The following ANKS1B variants were observed in gnomAD, a reference collection of about 807,000 sequenced individuals.
ANKS1B encodes ankyrin repeat and sterile alpha motif domain containing 1B.
In ANKS1B, 36 loss-of-function variants were observed where a neutral mutation model predicts 148.3. The ratio of observed to expected loss-of-function variants is 0.24; its 90% CI spans 0.19 to 0.32. ANKS1B has a LOEUF of 0.32. Among genes scored for constraint, ANKS1B ranks in the 10% least tolerant of loss-of-function variants. The probability of loss-of-function intolerance (pLI) is 1.00; values close to 1 mark genes in which losing one functional copy is unlikely to be tolerated. For synonymous variants in ANKS1B, 542 were observed against 560.8 expected, an observed-to-expected ratio of 0.97 and a Z score of 0.47; for missense variants, 1,157 against 1,542.6, an observed-to-expected ratio of 0.75 and a Z score of 4.19.
At chr12:99,717,243 G>A (rs185497828) in intron 8 of ANKS1B, among the ~76,000 whole-genome samples, 275 of 151,934 alleles carry the variant, frequency 1.8e-3, no homozygotes, top group Non-Finnish European at 2.6e-3. Context: ...ATTAAATTCC[G>A]GCCCTCAAAC....
chr12:98,872,431 C>T lies in ANKS1B; in HGVS notation c.2779-40295G>A, dbSNP rs547547825. On this transcript the variant is annotated intron_variant, in intron 17 of 26. Transcript: ENST00000683438. ...GCGTGTGCCTGTAATCTCAGCTACTCGGGACGCTAAGGCAGGAGAATCACT... is the reference window on the plus strand; with the variant it reads ...GCGTGTGCCTGTAATCTCAGCTACTTGGGACGCTAAGGCAGGAGAATCACT... Among the ~76,000 whole-genome samples the T allele has an allele frequency of 7.2e-5, 11 of 152,132 alleles. No homozygotes were observed. The South Asian group carries it at 2.1e-3, about 29-fold the overall frequency.
intron 9 of ANKS1B, among the ~76,000 whole-genome samples, chr12:99,552,718 C>A (rs1207046578): frequency 6.6e-6 from 1 of 152,154 alleles, no homozygotes; most frequent in Non-Finnish European, 1.5e-5. Flanking sequence ...GACACCACTG[C>A]CCCAGTCCCA....
At chr12:99,637,503 A>T (rs1157980678) in intron 9 of ANKS1B, among the ~76,000 whole-genome samples, 3 of 152,098 alleles carry the variant, frequency 2.0e-5, no homozygotes, top group Non-Finnish European at 4.4e-5. Context: ...TTAACATTTG[A>T]GTCAGTGAGC....
At chr12:99,155,335 A>G (rs562407322) in intron 14 of ANKS1B, among the ~76,000 whole-genome samples, 8 of 152,182 alleles carry the variant, frequency 5.3e-5, no homozygotes, top group East Asian at 1.9e-4. Context: ...CGAGATATAT[A>G]TTTTTTTCTT....
intron 14 of ANKS1B, among the ~76,000 whole-genome samples, chr12:99,225,135 T>C (rs369679243): frequency 1.5e-4 from 23 of 152,258 alleles, no homozygotes; most frequent in African/African-American, 5.5e-4. Context: ...AAATCATAGG[T>C]AGCATACTCC....
At chr12:99,315,307 A>T (rs1037858626) in intron 12 of ANKS1B, among the ~76,000 whole-genome samples, 5 of 152,068 alleles carry the variant, frequency 3.3e-5, no homozygotes, top group African/African-American at 1.2e-4. Flanking sequence ...AATTTTTTAC[A>T]ATCTACCTAT....
At chr12:99,909,781 T>C (rs1472533165) in intron 1 of ANKS1B, among the ~76,000 whole-genome samples, 1 of 152,172 alleles carries the variant, frequency 6.6e-6, no homozygotes, top group Non-Finnish European at 1.5e-5. Context: ...GCCTCTTCTT[T>C]TCCTTTCTTC....
intron 9 of ANKS1B, among the ~76,000 whole-genome samples, chr12:99,620,080 A>T (rs2098027373): frequency 6.6e-6 from 1 of 152,168 alleles, no homozygotes; most frequent in African/African-American, 2.4e-5. Context: ...TTGTAGGTTG[A>T]ACTGCACAGC....
chr12:99,500,803 T>C (rs1442709156), intron 10 of ANKS1B, among the ~76,000 whole-genome samples: 1 of 152,166 alleles, frequency 6.6e-6, no homozygotes, highest in African/African-American at 2.4e-5. Context: ...TTTTGAAAAA[T>C]TACCTCCTCA....
intron 17 of ANKS1B, among the ~76,000 whole-genome samples, chr12:98,838,989 T>G (rs928583835): frequency 2.6e-5 from 4 of 152,226 alleles, no homozygotes; most frequent in Non-Finnish European, 5.9e-5. Flanking sequence ...TCCTGCAATC[T>G]TAGAAATCCT....
chr12:99,050,771 A>C (rs551820835), intron 17 of ANKS1B, among the ~76,000 whole-genome samples: 2 of 142,240 alleles, frequency 1.4e-5, no homozygotes, highest in African/African-American at 5.2e-5. Flanking sequence ...TGCTCACTGC[A>C]AGCTCTGCCT....
At chr12:99,089,225 T>C (rs542035888) in intron 15 of ANKS1B, among the ~76,000 whole-genome samples, 84 of 152,070 alleles carry the variant, frequency 5.5e-4, no homozygotes, top group African/African-American at 1.8e-3. Flanking sequence ...AGCTCCGTCA[T>C]GTCCATCTTC....
At chr12:98,752,459 A>G (rs1024858638) in intron 25 of ANKS1B, among the ~76,000 whole-genome samples, 27 of 151,866 alleles carry the variant, frequency 1.8e-4, no homozygotes, top group African/African-American at 4.6e-4. Context: ...GGGTTTCACT[A>G]TGTTGGCCAG....
intron 1 of ANKS1B, among the ~76,000 whole-genome samples, chr12:99,870,965 T>C (rs2091438029): frequency 6.6e-6 from 1 of 152,190 alleles, no homozygotes; most frequent in Non-Finnish European, 1.5e-5. Context: ...TTTGTTGCAA[T>C]TGCTTTTGAG....
intron 10 of ANKS1B, among the ~76,000 whole-genome samples, chr12:99,484,772 T>G (rs1421177227): frequency 1.3e-5 from 2 of 149,898 alleles, no homozygotes; most frequent in South Asian, 2.1e-4. Context: ...GTGTTTTTTT[T>G]TTTTTTTTTT....
intron 20 of ANKS1B, among the ~76,000 whole-genome samples, chr12:98,806,463 G>C (rs1445185710): frequency 6.6e-6 from 1 of 152,078 alleles, no homozygotes; most frequent in African/African-American, 2.4e-5. Context: ...AAACTAAAAT[G>C]ATTTTAAAGG....
At chr12:99,327,493 A>G (rs1001703675) in intron 12 of ANKS1B, among the ~76,000 whole-genome samples, 46 of 140,470 alleles carry the variant, frequency 3.3e-4, no homozygotes, top group African/African-American at 1.2e-3. Flanking sequence ...TATATATTAT[A>G]TATAAAATCT....
chr12:98,969,635 A>G (rs187635353), intron 17 of ANKS1B, among the ~76,000 whole-genome samples: 1 of 152,188 alleles, frequency 6.6e-6, no homozygotes. Flanking sequence ...ACATGGGATT[A>G]TTATTTTAAA....
intron 17 of ANKS1B, among the ~76,000 whole-genome samples, chr12:99,047,678 A>T (rs1051226036): frequency 9.2e-5 from 14 of 152,202 alleles, no homozygotes; most frequent in Non-Finnish European, 1.9e-4. Flanking sequence ...CTGGTGGAGC[A>T]ATATCTTTAA....
Sources: gnomAD v4.1 joint callset for allele counts (sites outside exome capture counted in the v4.1 genomes callset) on GRCh38, gnomAD v4.1.1 for gene constraint, MANE v1.5 for transcripts, NCBI Gene and HGNC (gene_info 2026-07-23, HGNC 2026-07-21) for gene names.